Variants in YAP1 observed in about 807,000 individuals in gnomAD.
The protein encoded by YAP1 is Yes1 associated transcriptional regulator.
A neutral mutation model predicts 56.9 loss-of-function variants in YAP1; 5 were observed. The observed-to-expected ratio is 0.09, with a 90% confidence interval of 0.05 to 0.18. The LOEUF (loss-of-function observed/expected upper bound fraction) is 0.18, where lower values mean the gene tolerates loss of function less well. Ranked by LOEUF, YAP1 falls within the 10% of genes least tolerant of loss-of-function variation. The pLI, the probability that YAP1 is intolerant of heterozygous loss-of-function variation, is 1.00. For missense variants in YAP1, 539 were observed against 651.8 expected, an observed-to-expected ratio of 0.83 and a Z score of 1.88; for synonymous variants, 265 against 248.1, an observed-to-expected ratio of 1.07 and a Z score of -0.64.
intron 6 of YAP1, among the ~76,000 whole-genome samples, chr11:102,215,692 T>C (rs1322712286): frequency 6.6e-6 from 1 of 152,206 alleles, no homozygotes. Flanking sequence ...TTGGTCAGGC[T>C]GGTCTCGAAC....
chr11:102,123,588 T>G (rs1316087053), intron 2 of YAP1, among the ~76,000 whole-genome samples: 2 of 152,158 alleles, frequency 1.3e-5, no homozygotes, highest in Non-Finnish European at 2.9e-5. Flanking sequence ...GCATTTAAGC[T>G]TATTTTCTCG....
intron 2 of YAP1, among the ~76,000 whole-genome samples, chr11:102,122,024 C>T (rs185691341): frequency 3.5e-4 from 53 of 152,258 alleles, no homozygotes; most frequent in Non-Finnish European, 7.2e-4. Flanking sequence ...TCTCAAACTC[C>T]TGGACTCAGG....
intron 5 of YAP1, among the ~76,000 whole-genome samples, chr11:102,208,807 A>G (rs1949250075): frequency 6.6e-6 from 1 of 152,230 alleles, no homozygotes; most frequent in South Asian, 2.1e-4. Flanking sequence ...TGTCAAAACC[A>G]TACTGTTTTT....
At chr11:102,211,779 C>G (rs1949415473) in intron 6 of YAP1, among the ~76,000 whole-genome samples, 1 of 151,988 alleles carries the variant, frequency 6.6e-6, no homozygotes, top group Non-Finnish European at 1.5e-5. Context: ...TCTCAGCTCA[C>G]TGCAACCTCC....
chr11:102,224,239 T>C (rs1394636633), intron 7 of YAP1, among the ~76,000 whole-genome samples: 1 of 152,208 alleles, frequency 6.6e-6, no homozygotes, highest in Admixed American at 6.5e-5. Context: ...TGTGCCTCTT[T>C]CAAAAATGCA....
At chr11:102,149,977 C>CTTTTTTTTTTT (rs386374692) in intron 2 of YAP1, among the ~76,000 whole-genome samples, 12 of 50,290 alleles carry the variant, frequency 2.4e-4, no homozygotes, top group Admixed American at 3.2e-4. Flanking sequence ...GAGTAGTGTG[C>CTTTTTTTTTTT]TTTTTTTTTT....
intron 4 of YAP1, among the ~76,000 whole-genome samples, chr11:102,187,483 C>G (rs866826166): frequency 6.6e-6 from 1 of 152,084 alleles, no homozygotes; most frequent in South Asian, 2.1e-4. Flanking sequence ...TTAATAAATG[C>G]GGCCAATTGT....
At chr11:102,224,660 T>C (rs536007616) in intron 7 of YAP1, among the ~76,000 whole-genome samples, 8 of 144,392 alleles carry the variant, frequency 5.5e-5, no homozygotes, top group Middle Eastern at 7.2e-3. Flanking sequence ...TGCAATAGAA[T>C]TCACCATTTA....
At chr11:102,202,627 C>T (rs1273452602) in intron 4 of YAP1, among the ~76,000 whole-genome samples, 1 of 151,562 alleles carries the variant, frequency 6.6e-6, no homozygotes, top group Non-Finnish European at 1.5e-5. Context: ...TAACCAAATA[C>T]TTAATATGGG....
chr11:102,189,470 A>G (rs759073762), intron 4 of YAP1, among the ~76,000 whole-genome samples: 3 of 152,242 alleles, frequency 2.0e-5, no homozygotes, highest in Non-Finnish European at 4.4e-5. Flanking sequence ...ATAAGTGCTG[A>G]TGGCACCACT....
At chr11:102,205,055 TCA>T (rs1290174548) in intron 4 of YAP1, among the ~76,000 whole-genome samples, 5 of 152,180 alleles carry the variant, frequency 3.3e-5, no homozygotes, top group African/African-American at 4.8e-5. Flanking sequence ...TGAGGTTAAT[TCA>T]CAGTTTGATC....
chr11:102,140,844 C>CAA (rs549151762), intron 2 of YAP1, among the ~76,000 whole-genome samples: 1 of 143,272 alleles, frequency 7.0e-6, no homozygotes, highest in South Asian at 2.2e-4. Flanking sequence ...TTCCATTTCC[C>CAA]AAAAAAAAAA....
intron 6 of YAP1, among the ~76,000 whole-genome samples, chr11:102,218,076 T>C (rs1023894628): frequency 3.3e-5 from 5 of 152,184 alleles, no homozygotes; most frequent in African/African-American, 1.2e-4. Flanking sequence ...TTATGCACTT[T>C]ATAATTTATT....
intron 6 of YAP1, among the ~76,000 whole-genome samples, chr11:102,215,002 C>T (rs957614021): frequency 1.2e-4 from 18 of 151,882 alleles, no homozygotes; most frequent in Admixed American, 6.6e-5. Flanking sequence ...TTTTTTTAAT[C>T]AAAAAAGTTG....
intron 2 of YAP1, among the ~76,000 whole-genome samples, chr11:102,146,617 C>T (rs1039227675): frequency 2.0e-5 from 3 of 152,238 alleles, no homozygotes; most frequent in African/African-American, 7.2e-5. Flanking sequence ...ATCCCAACTT[C>T]TGTAGCATTA....
chr11:102,151,020 C>T (rs1565205134), intron 2 of YAP1, among the ~76,000 whole-genome samples: 2 of 151,738 alleles, frequency 1.3e-5, no homozygotes, highest in African/African-American at 2.4e-5. Flanking sequence ...AGGCTGGTCT[C>T]AAATGCCTGA....
intron 6 of YAP1, among the ~76,000 whole-genome samples, chr11:102,219,643 A>G (rs768664793): frequency 4.6e-5 from 7 of 152,144 alleles, no homozygotes; most frequent in Non-Finnish European, 1.0e-4. Flanking sequence ...GACTGCAAGA[A>G]AAGTTAAAAA....
chr11:102,231,334 C>T lies in YAP1; in HGVS notation c.*1394C>T, dbSNP rs1351539702. 6.6e-6 allele frequency: 1 copy of T among 152,202 alleles called. No homozygotes were observed. The highest frequency in any genetic ancestry group is 1.9e-4 in the East Asian group (1 of 5,204). 9.4% of individuals were successfully genotyped at this position (152,202 alleles called of 1,614,324 possible). On this transcript the variant is annotated 3_prime_UTR_variant, in exon 9 of 9. Transcript: ENST00000282441. ...GAAGTAAATTCTAGTTTGTAGTTCT[C>T]ATTTGTAATGAACACATTAACGACT...
intron 1 of YAP1, chr11:102,112,535 C>G: frequency 1.0e-6 from 1 of 982,376 alleles, no homozygotes; most frequent in Non-Finnish European, 1.2e-6. Context: ...TTAGCCCACT[C>G]GGGATGTAAC....
Sources: allele counts gnomAD v4.1 joint callset (sites outside exome capture counted in the v4.1 genomes callset), GRCh38; gene constraint gnomAD v4.1.1; transcripts MANE v1.5; gene names NCBI Gene and HGNC (gene_info 2026-07-23, HGNC 2026-07-21).